Variants in RNF24 observed in about 807,000 individuals in gnomAD.
RNF24 encodes ring finger protein 24.
RNF24 carries 14 observed loss-of-function variants against 20.0 expected under a neutral mutation model. The ratio of observed to expected loss-of-function variants is 0.70; its 90% CI spans 0.46 to 1.10. The LOEUF (loss-of-function observed/expected upper bound fraction) is 1.10. Among genes scored for constraint, RNF24 ranks in the 50% least tolerant of loss-of-function variants. The pLI is 0.00. For synonymous variants in RNF24, 45 were observed against 61.1 expected (o/e 0.74, Z 1.23); for missense variants, 124 against 177.6 (o/e 0.70, Z 1.71).
At chr20:4,013,673 C>G (rs537421667) in intron 1 of RNF24, among the ~76,000 whole-genome samples, 37 of 152,112 alleles carry the variant, frequency 2.4e-4, no homozygotes, top group African/African-American at 6.0e-4. Flanking sequence ...TTAGTAGAGA[C>G]AGGGTTTCAC....
At chr20:4,003,677 C>T (rs1487966675) in intron 1 of RNF24, among the ~76,000 whole-genome samples, 1 of 117,218 alleles carries the variant, frequency 8.5e-6, no homozygotes, top group Non-Finnish European at 1.6e-5. Context: ...GAGTCTCACT[C>T]TATTGCCCAG....
At position 3,938,800 on chromosome 20, in the gene RNF24, G is replaced by A. The variant is rs894856867; in HGVS notation, c.229-3727C>T. ...GTCACCCAGGCTGGAGTGCACTGGT[G>A]CCATCATAGCTCACTGCAGCCTCAA... is the stretch of plus-strand genomic sequence containing the variant. On this transcript the variant is annotated intron_variant, in intron 4 of 5. Transcript: ENST00000358395. Among the ~76,000 whole-genome samples, 158 of 151,990 alleles carry A rather than the reference G, an allele frequency of 1.0e-3. 1 individual carries two copies. The highest frequency in any genetic ancestry group is 3.4e-4 in the Non-Finnish European group (23 of 67,970).
rs2090797933 is a variant in RNF24 at position 3,929,982 on chromosome 20, C to T, written c.*4081G>A. On this transcript the variant is annotated 3_prime_UTR_variant, in exon 6 of 6. Transcript: ENST00000358395. ...TCTTCCCACATTAGTAGGAGCGTTC[C>T]TTGAATACACTTGTCTGGTATCACA... 6.6e-6 allele frequency: 1 copy of T among 152,016 alleles called. No individual in the cohort carries two copies. Among genetic ancestry groups the T allele is most frequent in the African/African-American group, 2.4e-5 (1 of 41,290 alleles). The allele number at this position is 152,016 out of a possible 1,614,324, so 9.4% of individuals were successfully genotyped here.
At chr20:3,966,133 C>CAAAAAAAAAA (rs574975352) in intron 1 of RNF24, among the ~76,000 whole-genome samples, 1 of 81,468 alleles carries the variant, frequency 1.2e-5, no homozygotes, top group African/African-American at 5.0e-5. Context: ...GATTCCATCT[C>CAAAAAAAAAA]AAAAAAAAAA....
intron 1 of RNF24, among the ~76,000 whole-genome samples, chr20:3,971,643 A>C (rs1475025251): frequency 1.3e-5 from 2 of 152,214 alleles, no homozygotes; most frequent in Non-Finnish European, 2.9e-5. Context: ...GAACTGGTAA[A>C]GTATACTAGT....
At chr20:4,014,739 GCACACACACACACACACA>G (rs146278311) in intron 1 of RNF24, among the ~76,000 whole-genome samples, 2 of 143,670 alleles carry the variant, frequency 1.4e-5, no homozygotes, top group African/African-American at 2.6e-5. Flanking sequence ...ACTTGAATGC[GCACACACACACACACACA>G]CACACACACA....
At chr20:4,007,406 A>G (rs772178144) in intron 1 of RNF24, among the ~76,000 whole-genome samples, 18 of 152,148 alleles carry the variant, frequency 1.2e-4, no homozygotes, top group Non-Finnish European at 2.5e-4. Flanking sequence ...CCAGCTAGCT[A>G]GTAGATGAAA....
intron 1 of RNF24, among the ~76,000 whole-genome samples, chr20:3,970,028 A>G (rs535184114): frequency 6.6e-6 from 1 of 152,126 alleles, no homozygotes; most frequent in East Asian, 1.9e-4. Flanking sequence ...CACCTCAGTG[A>G]TATCAGTAGA....
intron 2 of RNF24, among the ~76,000 whole-genome samples, chr20:3,952,183 G>A (rs1219519738): frequency 6.6e-6 from 1 of 150,502 alleles, no homozygotes; most frequent in East Asian, 1.9e-4. Flanking sequence ...GGGGTTTTGA[G>A]TAAGAATGTA....
intron 1 of RNF24, among the ~76,000 whole-genome samples, chr20:3,976,912 A>T (rs1230312759): frequency 6.6e-6 from 1 of 152,224 alleles, no homozygotes; most frequent in African/African-American, 2.4e-5. Flanking sequence ...ACAAGATGTT[A>T]TCATTACAGG....
At chr20:4,015,360 C>G (rs1163044600) in intron 1 of RNF24, 77 bp downstream of exon 1, 2 of 152,120 alleles carry the variant, frequency 1.3e-5, no homozygotes, top group African/African-American at 4.8e-5. Context: ...GCATCCCGAA[C>G]CCGGAGCGGC....
rs17286349 is a variant in RNF24, at chr20:3,933,655, G to A, written c.*408C>T. The A allele has an allele frequency of 0.12, 21,182 of 171,390 alleles. 1,716 individuals carry two copies. The highest frequency in any genetic ancestry group is 0.17 in the Non-Finnish European group (13,990 of 81,300). The allele number at this position is 171,390 out of a possible 1,614,324, so 10.6% of individuals were successfully genotyped here. A position where few individuals can be genotyped will look rare whatever the true frequency, so the allele number is the denominator to read the frequency against. ...AAGGGCTGCTGGGAAGGTTTGCTGC[G>A]ACAAAGGCCTGCATGGCCTACAGAG... On this transcript the variant is annotated 3_prime_UTR_variant, in exon 6 of 6. Transcript: ENST00000358395.
intron 1 of RNF24, among the ~76,000 whole-genome samples, chr20:3,972,367 G>A (rs1978423211): frequency 6.6e-6 from 1 of 151,896 alleles, no homozygotes; most frequent in South Asian, 2.1e-4. Flanking sequence ...AATACCCATG[G>A]CACCTACACC....
intron 2 of RNF24, among the ~76,000 whole-genome samples, chr20:3,962,576 G>A (rs1172372755): frequency 1.3e-5 from 2 of 149,324 alleles, no homozygotes; most frequent in Non-Finnish European, 2.9e-5. Flanking sequence ...CCCAAGTCTA[G>A]AACTTAAAAG....
At chr20:3,977,491 A>G (rs1044821529) in intron 1 of RNF24, among the ~76,000 whole-genome samples, 4 of 152,204 alleles carry the variant, frequency 2.6e-5, no homozygotes, top group Non-Finnish European at 5.9e-5. Flanking sequence ...TAAGAAAGCA[A>G]ATTATAGAAA....
In RNF24 at chr20:3,937,664, G is replaced by A. The variant is rs182958062; in HGVS notation, c.229-2591C>T. Among the ~76,000 whole-genome samples the A allele has an allele frequency of 1.1e-4, 16 of 145,412 alleles. No individual in the cohort carries two copies. In the East Asian group the frequency reaches 2.7e-3, roughly 24 times the overall value. On this transcript the variant is annotated intron_variant, in intron 4 of 5. Coordinates refer to ENST00000358395, the MANE Select transcript of RNF24 (RefSeq NM_001134337.3). ...CCACTAATCTACTTTCTTTATTGAT[G>A]GATTTGTCTACTCGGGACATTTCAT...
intron 1 of RNF24, among the ~76,000 whole-genome samples, chr20:4,012,404 G>GAGACTCCATCTCAA (rs1307092620): frequency 8.7e-5 from 13 of 149,270 alleles, no homozygotes; most frequent in Admixed American, 2.0e-4. Context: ...GGGACAGGGT[G>GAGACTCCATCTCAA]AGACTCCATC....
intron 4 of RNF24, among the ~76,000 whole-genome samples, chr20:3,944,379 TTTA>T (rs1329949859): frequency 6.6e-6 from 1 of 152,126 alleles, no homozygotes; most frequent in Non-Finnish European, 1.5e-5. Flanking sequence ...TATGATTATT[TTTA>T]TTATGATTCA....
intron 1 of RNF24, chr20:3,974,421 G>T: frequency 1.3e-6 from 2 of 1,534,352 alleles, no homozygotes. Flanking sequence ...CAATAAGGTA[G>T]AAAAGGGAAT....
Sources: gnomAD v4.1 joint callset for allele counts (sites outside exome capture counted in the v4.1 genomes callset) on GRCh38, gnomAD v4.1.1 for gene constraint, MANE v1.5 for transcripts, NCBI Gene and HGNC (gene_info 2026-07-23, HGNC 2026-07-21) for gene names.